NAV2: variants seen among roughly 807,000 people sequenced by gnomAD.
NAV2 encodes neuron navigator 2.
NAV2 carries 54 observed loss-of-function variants against 223.2 expected under a neutral mutation model. The ratio of observed to expected loss-of-function variants is 0.24; its 90% CI spans 0.19 to 0.30. NAV2 has a LOEUF of 0.30. Among genes scored for constraint, NAV2 ranks in the 10% least tolerant of loss-of-function variants. The pLI is 1.00. For missense variants in NAV2, 2,806 were observed against 3,147.5 expected (o/e 0.89, Z 2.60); for synonymous variants, 1,279 against 1,239.3 (o/e 1.03, Z -0.67).
intron 1 of NAV2, among the ~76,000 whole-genome samples, chr11:19,435,017 A>C (rs1164161771): frequency 6.6e-6 from 1 of 152,200 alleles, no homozygotes; most frequent in Non-Finnish European, 1.5e-5. Flanking sequence ...ATAATGTTTC[A>C]GTACATATAT....
chr11:19,554,732 C>A (rs997629866), intron 1 of NAV2, among the ~76,000 whole-genome samples: 1 of 151,930 alleles, frequency 6.6e-6, no homozygotes, highest in Non-Finnish European at 1.5e-5. Flanking sequence ...TTTGGGAGGC[C>A]GAGGCGGGCA....
At chr11:19,755,719 A>T (rs1487618890) in intron 1 of NAV2, among the ~76,000 whole-genome samples, 1 of 152,178 alleles carries the variant, frequency 6.6e-6, no homozygotes, top group Admixed American at 6.5e-5. Context: ...TAGCCTTGTT[A>T]TAAGGACACC....
upstream of NAV2, among the ~76,000 whole-genome samples, chr11:19,350,466 G>A (rs564736552): frequency 2.6e-4 from 39 of 152,358 alleles, no homozygotes; most frequent in Admixed American, 1.4e-3. Context: ...GCGGCTTTCC[G>A]CGCAGTGTTT....
intron 5 of NAV2, among the ~76,000 whole-genome samples, chr11:19,885,433 C>G (rs545103841): frequency 6.6e-6 from 1 of 152,242 alleles, no homozygotes; most frequent in Non-Finnish European, 1.5e-5. Flanking sequence ...TTTTCTCTCA[C>G]ACTGCCCTTG....
At chr11:19,441,897 C>T (rs1044490594) in intron 1 of NAV2, among the ~76,000 whole-genome samples, 1 of 152,172 alleles carries the variant, frequency 6.6e-6, no homozygotes, top group Non-Finnish European at 1.5e-5. Context: ...CTCTGGACAC[C>T]GAACCTGGTC....
intron 3 of NAV2, among the ~76,000 whole-genome samples, chr11:19,847,667 G>A (rs1012565946): frequency 6.6e-6 from 1 of 152,126 alleles, no homozygotes; most frequent in African/African-American, 2.4e-5. Context: ...AGACTAATGA[G>A]GCAATGAAAA....
rs79140920 is a variant in NAV2 at position 19,659,076 on chromosome 11, G to A, written c.76-173408G>A. ...CATATTGCTGACTTATAGTCCAAGA[G>A]GGAAGATGGATAATATAAAGAAAAC... On this transcript the variant is annotated intron_variant, in intron 1 of 37. Transcript: ENST00000360655. Among the ~76,000 whole-genome samples, 1,212 of 152,298 alleles carry A rather than the reference G, an allele frequency of 8.0e-3. 17 individuals carry two copies. Among genetic ancestry groups the A allele is most frequent in the African/African-American group, 0.028 (1,155 of 41,556 alleles).
At chr11:19,360,844 C>G (rs1853895558) in intron 1 of NAV2, among the ~76,000 whole-genome samples, 1 of 152,126 alleles carries the variant, frequency 6.6e-6, no homozygotes, top group African/African-American at 2.4e-5. Flanking sequence ...CCTGTCCTCG[C>G]AAAGCTCAGT....
chr11:20,040,628 C>T (rs1191504863), intron 12 of NAV2, among the ~76,000 whole-genome samples: 1 of 152,182 alleles, frequency 6.6e-6, no homozygotes, highest in East Asian at 1.9e-4. Context: ...CTTCTGAAGT[C>T]CCTTGTGCGT....
At chr11:19,857,124 C>G (rs923183944) in intron 3 of NAV2, among the ~76,000 whole-genome samples, 1 of 152,226 alleles carries the variant, frequency 6.6e-6, no homozygotes, top group African/African-American at 2.4e-5. Context: ...ACAATGTGGT[C>G]TAGTGCTTCT....
intron 1 of NAV2, among the ~76,000 whole-genome samples, chr11:19,517,380 T>G (rs1340622970): frequency 6.6e-6 from 1 of 152,202 alleles, no homozygotes; most frequent in Admixed American, 6.5e-5. Context: ...CCTCTAGAGT[T>G]TTGATTTCTT....
chr11:19,422,620 C>T (rs535983055), intron 1 of NAV2, among the ~76,000 whole-genome samples: 56 of 152,286 alleles, frequency 3.7e-4, no homozygotes, highest in Admixed American at 9.2e-4. Context: ...TGTTGTTCTG[C>T]GCACTGGCCA....
intron 26 of NAV2, among the ~76,000 whole-genome samples, chr11:20,090,397 C>T (rs1305305118): frequency 1.3e-5 from 2 of 151,930 alleles, no homozygotes; most frequent in African/African-American, 2.4e-5. Context: ...TGCTGAAAGG[C>T]ACACCAAAGC....
intron 1 of NAV2, among the ~76,000 whole-genome samples, chr11:19,827,869 C>T (rs1965827): frequency 0.28 from 41,903 of 151,664 alleles, 5,848 homozygotes; most frequent in East Asian, 0.34. Context: ...TCCCAGCATT[C>T]TGCGAGCCCA....
At chr11:19,423,240 G>A (rs1012319576) in intron 1 of NAV2, among the ~76,000 whole-genome samples, 15 of 152,320 alleles carry the variant, frequency 9.8e-5, no homozygotes, top group South Asian at 8.3e-4. Context: ...TACAGTGACA[G>A]TGTCTACCTT....
chr11:19,503,974 GAAAC>G (rs1190023201), intron 1 of NAV2: 1 of 152,120 alleles, frequency 6.6e-6, no homozygotes, highest in African/African-American at 2.4e-5. Context: ...CAGCAATAAG[GAAAC>G]AAACAACCTG....
chr11:19,957,915 A>T (rs763777159), intron 10 of NAV2, among the ~76,000 whole-genome samples: 1 of 152,154 alleles, frequency 6.6e-6, no homozygotes, highest in East Asian at 1.9e-4. Context: ...GAGAAAAAAA[A>T]ATAAATGGGT....
At chr11:19,779,683 G>C (rs1206978531) in intron 1 of NAV2, among the ~76,000 whole-genome samples, 1 of 152,154 alleles carries the variant, frequency 6.6e-6, no homozygotes, top group Non-Finnish European at 1.5e-5. Context: ...CATAATACAG[G>C]AACATGATCC....
rs2060805395 is a variant in NAV2, at chr11:20,091,029, A to G, written c.5652+11A>G. 1 of 1,612,168 alleles carries G rather than the reference A, an allele frequency of 6.2e-7. No homozygotes were observed. The stretch of plus-strand genomic sequence containing the variant: ...ATGAACAGGATGCAGGTGAGAGCCC[A>G]GGAGCATGGGCTGAGCTCAAGGCTG... On this transcript the variant is annotated intron_variant, in intron 27 of 37. Coordinates refer to ENST00000349880, the MANE Select transcript of NAV2 (RefSeq NM_145117.5).
Sources: gnomAD v4.1 joint callset for allele counts (sites outside exome capture counted in the v4.1 genomes callset) on GRCh38, gnomAD v4.1.1 for gene constraint, MANE v1.5 for transcripts, NCBI Gene and HGNC (gene_info 2026-07-23, HGNC 2026-07-21) for gene names.